Variants in LHFPL3 observed in about 807,000 individuals in gnomAD.
LHFPL3 encodes LHFPL tetraspan subfamily member 3 protein.
In LHFPL3, 5 loss-of-function variants were observed where a neutral mutation model predicts 19.3. That is an observed-to-expected ratio of 0.26 (90% CI 0.14 to 0.54). LHFPL3 has a LOEUF of 0.54. LHFPL3 is among the 20% of genes least tolerant of loss of function. The pLI is 0.94. For synonymous variants in LHFPL3, 133 were observed against 126.2 expected (o/e 1.05, Z -0.36); for missense variants, 249 against 307.4 (o/e 0.81, Z 1.42).
intron 1 of LHFPL3, among the ~76,000 whole-genome samples, chr7:104,589,087 A>G (rs967546383): frequency 6.6e-6 from 1 of 152,064 alleles, no homozygotes; most frequent in Non-Finnish European, 1.5e-5. Flanking sequence ...TCTTTTCCTA[A>G]TTGAATACCC....
chr7:104,817,463 A>G (rs1790577116), intron 2 of LHFPL3, among the ~76,000 whole-genome samples: 1 of 152,074 alleles, frequency 6.6e-6, no homozygotes, highest in South Asian at 2.1e-4. Context: ...TCTTTAAACA[A>G]CCTTCCCCTT....
rs1229489700 is a variant in LHFPL3, at chr7:104,328,806, C to A, written c.27C>A (p.Ala9=). The stretch of plus-strand genomic sequence containing the variant: ...TGCCCGGAGCCGCCGCCGCTGCCGC[C>A]GCCGCCGCCGCCGCGATGCTCCCGG... MPGAAAAA[A]AAAAAMLPAQ... The change falls in exon 1 of 3, where the codon GCC becomes GCA. Residue 9 remains alanine (A), a synonymous_variant. Transcript: ENST00000424859. This position sits in a 1 kb window ranked among gnomAD's most constrained non-coding sequence, Gnocchi z 4.6. 2.5e-6 allele frequency: 4 copies of A among 1,604,234 alleles called. No homozygotes were observed. Among genetic ancestry groups the A allele is most frequent in the Non-Finnish European group, 3.4e-6 (4 of 1,174,660 alleles).
intron 1 of LHFPL3, among the ~76,000 whole-genome samples, chr7:104,556,425 T>A (rs1429349689): frequency 6.6e-6 from 1 of 152,214 alleles, no homozygotes; most frequent in African/African-American, 2.4e-5. Context: ...ATGTGGAAGC[T>A]ACCAAGGCTT....
chr7:104,854,990 T>G (rs566327217), intron 2 of LHFPL3, among the ~76,000 whole-genome samples: 20 of 93,762 alleles, frequency 2.1e-4, no homozygotes, highest in Non-Finnish European at 3.9e-4. Context: ...AGTAAGCTCT[T>G]TAGTCTGGCG....
chr7:104,540,604 A>G (rs796282531), intron 1 of LHFPL3, among the ~76,000 whole-genome samples: 12 of 152,336 alleles, frequency 7.9e-5, no homozygotes, highest in African/African-American at 2.9e-4. Context: ...TGTAATTTCA[A>G]TATAATGTTT....
intron 1 of LHFPL3, among the ~76,000 whole-genome samples, chr7:104,430,392 A>ATACATATG (rs1554393134): frequency 1.8e-5 from 1 of 56,578 alleles, no homozygotes; most frequent in Non-Finnish European, 2.9e-5. Context: ...ACATATATAT[A>ATACATATG]TATATATATA....
intron 1 of LHFPL3, among the ~76,000 whole-genome samples, chr7:104,543,455 A>G (rs1381332185): frequency 1.3e-5 from 2 of 151,994 alleles, no homozygotes; most frequent in Non-Finnish European, 2.9e-5. Context: ...CTATAAAGAC[A>G]CATGCACACG....
At chr7:104,831,095 C>T (rs1790945534) in intron 2 of LHFPL3, among the ~76,000 whole-genome samples, 1 of 151,928 alleles carries the variant, frequency 6.6e-6, no homozygotes, top group African/African-American at 2.4e-5. Flanking sequence ...TCCTATAACT[C>T]ATAATACATG....
intron 1 of LHFPL3, among the ~76,000 whole-genome samples, chr7:104,598,006 G>T (rs116241443): frequency 0.043 from 6,568 of 152,160 alleles, 163 homozygotes; most frequent in African/African-American, 0.062. Flanking sequence ...AGTTTGGGTG[G>T]AAGAATGGTA....
chr7:104,583,894 G>C (rs1470240297), intron 1 of LHFPL3, among the ~76,000 whole-genome samples: 4 of 151,778 alleles, frequency 2.6e-5, no homozygotes, highest in Admixed American at 6.6e-5. Flanking sequence ...GTGGAAGTCA[G>C]TGTGGCGATT....
At chr7:104,886,067 A>G (rs1465393356) in intron 2 of LHFPL3, among the ~76,000 whole-genome samples, 1 of 152,154 alleles carries the variant, frequency 6.6e-6, no homozygotes, top group Non-Finnish European at 1.5e-5. Flanking sequence ...TTTTGTTCGT[A>G]GCACTCAAAG....
At position 104,905,323 on chromosome 7, in the gene LHFPL3, A is replaced by G. The variant is rs187742388; in HGVS notation, c.683-864A>G. Among the ~76,000 whole-genome samples, 557 of 152,288 alleles carry G rather than the reference A, an allele frequency of 3.7e-3. 2 individuals carry two copies. The highest frequency in any genetic ancestry group is 0.012 in the African/African-American group (503 of 41,580). ...ATTCATATTTATAATAATAAATCAGAAACCTTCCTATATGTCTGACAATAG... is the reference window on the plus strand; with the variant it reads ...ATTCATATTTATAATAATAAATCAGGAACCTTCCTATATGTCTGACAATAG... On this transcript the variant is annotated intron_variant, in intron 2 of 2. Coordinates refer to ENST00000424859, the MANE Select transcript of LHFPL3 (RefSeq NM_199000.3).
chr7:104,804,323 G>A (rs1378658496), intron 2 of LHFPL3, among the ~76,000 whole-genome samples: 3 of 152,092 alleles, frequency 2.0e-5, no homozygotes, highest in African/African-American at 7.2e-5. Flanking sequence ...ATTCGTCAAA[G>A]GAAAATCTAG....
intron 1 of LHFPL3, among the ~76,000 whole-genome samples, chr7:104,619,755 G>A (rs935823279): frequency 7.2e-5 from 11 of 152,086 alleles, no homozygotes; most frequent in African/African-American, 2.4e-4. Flanking sequence ...TCTTCTTGGA[G>A]AACTAGACAA....
At chr7:104,648,705 G>A (rs1279100846) in intron 1 of LHFPL3, among the ~76,000 whole-genome samples, 1 of 152,142 alleles carries the variant, frequency 6.6e-6, no homozygotes, top group East Asian at 1.9e-4. Context: ...ATAAGTGCTG[G>A]TCCTGGTTAA....
At chr7:104,589,057 A>C (rs2115618217) in intron 1 of LHFPL3, among the ~76,000 whole-genome samples, 1 of 152,288 alleles carries the variant, frequency 6.6e-6, no homozygotes, top group South Asian at 2.1e-4. Context: ...TCATCTGCAA[A>C]CAGGGACAAT....
At chr7:104,561,935 C>G (rs1382258798) in intron 1 of LHFPL3, among the ~76,000 whole-genome samples, 1 of 151,972 alleles carries the variant, frequency 6.6e-6, no homozygotes, top group African/African-American at 2.4e-5. Context: ...TTCTCCTTCA[C>G]TTAAGAAGCT....
chr7:104,665,570 A>G (rs556667489), intron 1 of LHFPL3, among the ~76,000 whole-genome samples: 9 of 152,222 alleles, frequency 5.9e-5, no homozygotes, highest in Admixed American at 1.3e-4. Context: ...TTACATCAAG[A>G]CCTGAGTTGT....
At chr7:104,417,733 CT>C (rs1420817600) in intron 1 of LHFPL3, among the ~76,000 whole-genome samples, 32 of 148,238 alleles carry the variant, frequency 2.2e-4, no homozygotes, top group South Asian at 1.9e-3. Flanking sequence ...TGAGGAAACA[CT>C]GTACTTAAGA....
Sources: gnomAD v4.1 joint callset for allele counts (sites outside exome capture counted in the v4.1 genomes callset) on GRCh38, gnomAD v4.1.1 for gene constraint, Gnocchi (gnomAD v3.1) non-coding constraint, MANE v1.5 for transcripts, NCBI Gene and HGNC (gene_info 2026-07-23, HGNC 2026-07-21) for gene names.